Variants in RGP1 observed in about 807,000 individuals in gnomAD.
The protein encoded by RGP1 is RAB6A-GEF complex partner protein 2.
A neutral mutation model predicts 44.5 loss-of-function variants in RGP1; 28 were observed. The ratio of observed to expected loss-of-function variants is 0.63; its 90% confidence interval spans 0.47 to 0.86. The LOEUF is 0.86. Ranked by LOEUF, RGP1 falls within the 40% of genes least tolerant of loss-of-function variation. The pLI is 0.00. For synonymous variants in RGP1, 212 were observed against 196.7 expected (o/e 1.08, Z -0.65); for missense variants, 417 against 490.7 (o/e 0.85, Z 1.42).
the RGP1 span, among the ~76,000 whole-genome samples, chr9:35,764,904 T>C: frequency 2.6e-5 from 4 of 151,936 alleles, no homozygotes; most frequent in African/African-American, 9.7e-5. Context: ...GGTGGGCAGA[T>C]CATGGGAGGT....
At chr9:35,765,983 C>T in the RGP1 span, among the ~76,000 whole-genome samples, 3 of 151,282 alleles carry the variant, frequency 2.0e-5, no homozygotes, top group Non-Finnish European at 2.9e-5. Flanking sequence ...TACAGGTACC[C>T]GTCCCCATAC....
chr9:35,762,120 A>G (rs190646413), downstream of RGP1, among the ~76,000 whole-genome samples: 2 of 152,276 alleles, frequency 1.3e-5, no homozygotes, highest in Non-Finnish European at 2.9e-5. Flanking sequence ...TGTTGAAAAA[A>G]AAAATTCAAC....
the RGP1 span, among the ~76,000 whole-genome samples, chr9:35,784,786 A>T: frequency 3.3e-5 from 5 of 152,018 alleles, no homozygotes; most frequent in Non-Finnish European, 5.9e-5. Flanking sequence ...ATATATTTTT[A>T]AAATAGAAGA....
downstream of RGP1, among the ~76,000 whole-genome samples, chr9:35,761,060 T>C (rs1827412305): frequency 6.6e-6 from 1 of 152,198 alleles, no homozygotes; most frequent in African/African-American, 2.4e-5. Flanking sequence ...ACAGACCTGG[T>C]AGTAGATTTA....
the RGP1 span, among the ~76,000 whole-genome samples, chr9:35,778,762 G>C: frequency 6.6e-6 from 1 of 151,944 alleles, no homozygotes; most frequent in Non-Finnish European, 1.5e-5. Context: ...TGTTAATCTG[G>C]GATCCTTTAG....
rs1300297772 is a variant in RGP1, at chr9:35,753,498, C to T, written c.*624C>T. 1 of 778,686 alleles carries T rather than the reference C, an allele frequency of 1.3e-6. No individual in the cohort carries two copies. The highest frequency in any genetic ancestry group is 2.7e-5 in the East Asian group (1 of 37,182). The allele number at this position is 778,686 out of a possible 1,614,324, so 48.2% of individuals were successfully genotyped here. Reference sequence around the variant, plus strand: ...CACCCCAACCTCCCCTGATTTATAGCCTGAAGCCTTATCTTTCACACTAGT... The same window carrying T: ...CACCCCAACCTCCCCTGATTTATAGTCTGAAGCCTTATCTTTCACACTAGT... On this transcript the variant is annotated 3_prime_UTR_variant, in exon 9 of 9. Transcript: ENST00000378078. The surrounding 1 kb of genome is among the most constrained non-coding windows in gnomAD (Gnocchi z 4.2).
intron 3 of RGP1, 71 bp downstream of exon 3, chr9:35,750,450 G>T: frequency 6.5e-7 from 1 of 1,546,674 alleles, no homozygotes; most frequent in Non-Finnish European, 8.9e-7. Flanking sequence ...TCACCCATGG[G>T]TGAAGTTGTT....
rs1827189035 is a variant in RGP1 at position 35,749,519 on chromosome 9, A to G, written c.-20+111A>G. 1.5e-6 allele frequency: 1 copy of G among 676,608 alleles called. No homozygotes were observed. Among genetic ancestry groups the G allele is most frequent in the Admixed American group, 2.0e-5 (1 of 49,214 alleles). The allele number at this position is 676,608 out of a possible 1,614,324, so 41.9% of individuals were successfully genotyped here. A position where few individuals can be genotyped will look rare whatever the true frequency, so the allele number is the denominator to read the frequency against. On this transcript the variant is annotated intron_variant, in intron 1 of 8. Coordinates refer to ENST00000378078, the MANE Select transcript of RGP1 (RefSeq NM_001080496.3). This position sits in a 1 kb window ranked among gnomAD's most constrained non-coding sequence, Gnocchi z 4.4. Reference sequence around the variant, plus strand: ...GCCCAGGGAGAAGAACCCGTCGCACAGGGGCTGGGGTCTAGGGCCCAGAGC... The same window carrying G: ...GCCCAGGGAGAAGAACCCGTCGCACGGGGGCTGGGGTCTAGGGCCCAGAGC...
the RGP1 span, chr9:35,790,354 C>T: frequency 2.6e-5 from 4 of 153,882 alleles, no homozygotes; most frequent in Non-Finnish European, 5.9e-5. Flanking sequence ...AGGGCTGTAT[C>T]ATTCGGCTTT....
At chr9:35,764,939 A>C in the RGP1 span, among the ~76,000 whole-genome samples, 1 of 152,156 alleles carries the variant, frequency 6.6e-6, no homozygotes, top group African/African-American at 2.4e-5. Flanking sequence ...CAGCCTGGCC[A>C]ACATGGTGAA....
intron 8 of RGP1, 135 bp from the exon 9 acceptor site, chr9:35,752,516 A>T: frequency 1.3e-6 from 1 of 787,474 alleles, no homozygotes. Context: ...CCTTAATCAC[A>T]GCTCCCTGCC....
chr9:35,776,488 T>A, the RGP1 span, among the ~76,000 whole-genome samples: 1 of 152,080 alleles, frequency 6.6e-6, no homozygotes, highest in Admixed American at 6.6e-5. Flanking sequence ...GGTTTCATTA[T>A]GTTGGCTAGG....
chr9:35,750,172 G>A (rs1827214285), intron 2 of RGP1, 71 bp from the exon 3 acceptor site: 1 of 1,557,814 alleles, frequency 6.4e-7, no homozygotes, highest in South Asian at 1.2e-5. Flanking sequence ...AAGATGGTGT[G>A]ATAGGGAGCT....
At chr9:35,767,185 T>C in the RGP1 span, among the ~76,000 whole-genome samples, 1 of 152,046 alleles carries the variant, frequency 6.6e-6, no homozygotes, top group Non-Finnish European at 1.5e-5. Context: ...GATAGAGCAG[T>C]ACTGCATGCA....
the RGP1 span, among the ~76,000 whole-genome samples, chr9:35,773,033 A>T: frequency 3.9e-5 from 6 of 152,154 alleles, no homozygotes; most frequent in African/African-American, 1.4e-4. Flanking sequence ...GTATTCTTTT[A>T]TCCTTGTGGT....
Position 35,753,602 on chromosome 9 carries a change from G to T in RGP1, c.*728G>T. On this transcript the variant is annotated 3_prime_UTR_variant, in exon 9 of 9. Coordinates refer to ENST00000378078, the MANE Select transcript of RGP1 (RefSeq NM_001080496.3). The surrounding 1 kb of genome is among the most constrained non-coding windows in gnomAD (Gnocchi z 4.2). ...ATCACAGCAATCTAGTCACTCCCTG[G>T]TCATCCCTCAGTCACTCATATCAGA... is the stretch of plus-strand genomic sequence containing the variant. The T allele has an allele frequency of 1.4e-6, 2 of 1,415,886 alleles. No homozygotes were observed. Among genetic ancestry groups the T allele is most frequent in the Non-Finnish European group, 2.0e-6 (2 of 1,011,316 alleles). The allele number at this position is 1,415,886 out of a possible 1,614,324, so 87.7% of individuals were successfully genotyped here.
chr9:35,749,475 T>C lies in RGP1; in HGVS notation c.-20+67T>C. 4.7e-6 allele frequency: 3 copies of C among 639,638 alleles called. No individual in the cohort carries two copies. Among genetic ancestry groups the C allele is most frequent in the Non-Finnish European group, 9.1e-6 (3 of 331,346 alleles). The allele number at this position is 639,638 out of a possible 1,614,324, so 39.6% of individuals were successfully genotyped here. On this transcript the variant is annotated intron_variant, in intron 1 of 8. Coordinates refer to ENST00000378078, the MANE Select transcript of RGP1 (RefSeq NM_001080496.3). This position sits in a 1 kb window ranked among gnomAD's most constrained non-coding sequence, Gnocchi z 4.4. ...GAGGAAAGGGGGAGCGGAGGCCAGT[T>C]TGGGAACTCCGCGGGGGTGCCCAGG...
At chr9:35,782,651 G>T in the RGP1 span, among the ~76,000 whole-genome samples, 1 of 152,010 alleles carries the variant, frequency 6.6e-6, no homozygotes, top group African/African-American at 2.4e-5. Flanking sequence ...TCTCCATGTT[G>T]GTCAGGCTGG....
chr9:35,753,691 G>C lies in RGP1; in HGVS notation c.*817G>C, dbSNP rs1441816000. 1 of 1,614,126 alleles carries C rather than the reference G, an allele frequency of 6.2e-7. No homozygotes were observed. ...CAGCAGCCCACGCCAACAGGATGCA[G>C]ACAGGTGCAATGGAAACAGTCCTTG... On this transcript the variant is annotated 3_prime_UTR_variant, in exon 9 of 9. Coordinates refer to ENST00000378078, the MANE Select transcript of RGP1 (RefSeq NM_001080496.3). The surrounding 1 kb of genome is among the most constrained non-coding windows in gnomAD (Gnocchi z 4.2).
Sources: allele counts gnomAD v4.1 joint callset (sites outside exome capture counted in the v4.1 genomes callset), GRCh38; gene constraint gnomAD v4.1.1; non-coding constraint Gnocchi (gnomAD v3.1); transcripts MANE v1.5; gene names NCBI Gene and HGNC (gene_info 2026-07-23, HGNC 2026-07-21).